Variants in MYO16 observed in about 807,000 individuals in gnomAD.
MYO16 encodes the protein unconventional myosin-XVI.
MYO16 carries 94 observed loss-of-function variants against 205.3 expected under a neutral mutation model. The observed-to-expected ratio is 0.46, with a 90% CI of 0.39 to 0.54. The LOEUF is 0.54. MYO16 is among the 20% of genes least tolerant of loss of function. The pLI, the probability that MYO16 is intolerant of heterozygous loss-of-function variation, is 0.00. For synonymous variants in MYO16, 988 were observed against 954.0 expected, an observed-to-expected ratio of 1.04 and a Z score of -0.66; for missense variants, 2,315 against 2,387.5, an observed-to-expected ratio of 0.97 and a Z score of 0.63.
chr13:108,919,513 C>CTCCATTCCTTGTGTCAGCACT (rs11270056), intron 16 of MYO16, among the ~76,000 whole-genome samples: 2 of 151,834 alleles, frequency 1.3e-5, no homozygotes, highest in Admixed American at 1.3e-4. Flanking sequence ...TTGACATCTT[C>CTCCATTCCTTGTGTCAGCACT]TCCTTTAGGG....
chr13:108,527,615 T>A, the MYO16 span, among the ~76,000 whole-genome samples: 5 of 152,318 alleles, frequency 3.3e-5, no homozygotes, highest in Admixed American at 2.0e-4. Flanking sequence ...TCAAAATTGT[T>A]TGGTAATTTG....
intron 15 of MYO16, among the ~76,000 whole-genome samples, chr13:108,907,907 C>A (rs1165227258): frequency 6.6e-6 from 1 of 152,112 alleles, no homozygotes; most frequent in Non-Finnish European, 1.5e-5. Context: ...CCCTTCTCAT[C>A]TGATATTTCA....
At chr13:108,819,355 C>A (rs531402058) in intron 7 of MYO16, among the ~76,000 whole-genome samples, 1 of 152,006 alleles carries the variant, frequency 6.6e-6, no homozygotes, top group Non-Finnish European at 1.5e-5. Flanking sequence ...AAACAAGGCC[C>A]GCAAGAATCT....
intron 27 of MYO16, among the ~76,000 whole-genome samples, chr13:109,079,556 C>A (rs1429072056): frequency 6.6e-6 from 1 of 152,096 alleles, no homozygotes; most frequent in East Asian, 1.9e-4. Flanking sequence ...TAAGCGGAAG[C>A]TAAACATTGA....
chr13:108,791,543 G>A (rs1272445730), intron 5 of MYO16, among the ~76,000 whole-genome samples: 1 of 152,150 alleles, frequency 6.6e-6, no homozygotes. Flanking sequence ...AAGAAACAGA[G>A]GCAGAGGATA....
chr13:108,839,893 A>C (rs909007886), intron 9 of MYO16, among the ~76,000 whole-genome samples: 2 of 152,244 alleles, frequency 1.3e-5, no homozygotes, highest in African/African-American at 2.4e-5. Context: ...GATTGTAAAT[A>C]GGGTGAAATC....
chr13:108,696,814 C>T (rs983938628), intron 2 of MYO16, among the ~76,000 whole-genome samples: 2 of 152,118 alleles, frequency 1.3e-5, no homozygotes, highest in Non-Finnish European at 1.5e-5. Context: ...TCAGAAGACC[C>T]TACCTGTGTG....
the MYO16 span, among the ~76,000 whole-genome samples, chr13:108,549,641 G>A: frequency 6.6e-6 from 1 of 152,048 alleles, no homozygotes; most frequent in Non-Finnish European, 1.5e-5. Context: ...ATGTGTGAAA[G>A]TCAATCCTTT....
At chr13:108,567,131 GA>G in the MYO16 span, among the ~76,000 whole-genome samples, 1 of 152,146 alleles carries the variant, frequency 6.6e-6, no homozygotes, top group African/African-American at 2.4e-5. Flanking sequence ...AAGTTGGAGA[GA>G]GGAAGAACTG....
At chr13:109,132,249 G>A (rs529584262) in intron 31 of MYO16, among the ~76,000 whole-genome samples, 2 of 152,258 alleles carry the variant, frequency 1.3e-5, no homozygotes, top group African/African-American at 4.8e-5. Flanking sequence ...ACTGTTCACC[G>A]TTCTATGTTG....
chr13:108,934,772 T>G (rs1249954954), intron 16 of MYO16, among the ~76,000 whole-genome samples: 1 of 152,200 alleles, frequency 6.6e-6, no homozygotes, highest in Non-Finnish European at 1.5e-5. Context: ...AAAATGAATC[T>G]TTAATTCATT....
At chr13:108,962,218 C>T (rs1202602910) in intron 18 of MYO16, among the ~76,000 whole-genome samples, 1 of 152,202 alleles carries the variant, frequency 6.6e-6, no homozygotes, top group African/African-American at 2.4e-5. Context: ...ATTTAATGCA[C>T]AGAACTGTAA....
At chr13:108,759,057 A>G (rs547673111) in intron 4 of MYO16, among the ~76,000 whole-genome samples, 5 of 152,146 alleles carry the variant, frequency 3.3e-5, no homozygotes, top group Non-Finnish European at 7.4e-5. Flanking sequence ...TGAACTTTTC[A>G]GTAATTTATG....
At chr13:108,695,555 CAA>C (rs201525503) in intron 2 of MYO16, among the ~76,000 whole-genome samples, 1 of 144,518 alleles carries the variant, frequency 6.9e-6, no homozygotes, top group African/African-American at 2.5e-5. Context: ...TTAATTTCTG[CAA>C]AAAAAAAAAG....
intron 12 of MYO16, among the ~76,000 whole-genome samples, chr13:108,868,660 C>T (rs563400447): frequency 3.3e-5 from 5 of 152,024 alleles, no homozygotes; most frequent in East Asian, 1.9e-4. Context: ...CGGTGGCTCA[C>T]GCCTGTAATC....
At chr13:108,516,020 A>AG in the MYO16 span, among the ~76,000 whole-genome samples, 1 of 138,644 alleles carries the variant, frequency 7.2e-6, no homozygotes, top group Admixed American at 7.2e-5. Context: ...CGAGCTTCCC[A>AG]GCTGCTTTGT....
At position 108,721,817 on chromosome 13, in the gene MYO16, T is replaced by G. The variant is rs72666760; in HGVS notation, c.364-5623T>G. On this transcript the variant is annotated intron_variant, in intron 3 of 34. Transcript: ENST00000457511. ...GTGTTTTCAGAGAGGCTGACTTCCATTTAGGTTCTCTGGACATTTCCAGAA... is the reference window on the plus strand; with the variant it reads ...GTGTTTTCAGAGAGGCTGACTTCCAGTTAGGTTCTCTGGACATTTCCAGAA... Among the ~76,000 whole-genome samples, 604 of 152,230 alleles carry G rather than the reference T, an allele frequency of 4.0e-3. 2 individuals are homozygous for G. Among genetic ancestry groups the G allele is most frequent in the Non-Finnish European group, 5.5e-3 (376 of 68,014 alleles).
chr13:108,828,624 G>C (rs963094450), intron 9 of MYO16, among the ~76,000 whole-genome samples: 4 of 152,096 alleles, frequency 2.6e-5, no homozygotes, highest in Non-Finnish European at 5.9e-5. Context: ...CGCAGGGTAG[G>C]GGCCTAGTCA....
chr13:108,616,526 G>A (rs543965417), intron 1 of MYO16, among the ~76,000 whole-genome samples: 2 of 152,188 alleles, frequency 1.3e-5, no homozygotes, highest in East Asian at 1.9e-4. Context: ...TGAACCATGG[G>A]CAGTAATCCT....
Sources: allele counts gnomAD v4.1 joint callset (sites outside exome capture counted in the v4.1 genomes callset), GRCh38; gene constraint gnomAD v4.1.1; transcripts MANE v1.5; gene names NCBI Gene and HGNC (gene_info 2026-07-23, HGNC 2026-07-21).